The following RIT2 variants were observed in gnomAD, a reference collection of about 807,000 sequenced individuals.
RIT2 encodes the protein Ras like without CAAX 2, also known as GTP-binding protein Rit2.
A neutral mutation model predicts 23.7 loss-of-function variants in RIT2; 24 were observed. The observed-to-expected ratio is 1.01, with a 90% CI of 0.73 to 1.43. The LOEUF (loss-of-function observed/expected upper bound fraction) is 1.43. RIT2 is among the 40% of genes most tolerant of loss of function. RIT2 has a pLI of 0.00. For synonymous variants in RIT2, 107 were observed against 91.1 expected (o/e 1.17, Z -0.99); for missense variants, 236 against 266.9 (o/e 0.88, Z 0.81).
At chr18:43,000,942 C>T (rs1404277576) in intron 2 of RIT2, among the ~76,000 whole-genome samples, 3 of 152,054 alleles carry the variant, frequency 2.0e-5, no homozygotes, top group Non-Finnish European at 2.9e-5. Flanking sequence ...CAGCCAAACT[C>T]TCTTGGGCTG....
intron 4 of RIT2, among the ~76,000 whole-genome samples, chr18:42,845,448 AG>A (rs1273406240): frequency 6.6e-6 from 1 of 150,414 alleles, no homozygotes; most frequent in African/African-American, 2.4e-5. Context: ...TATTTTTTTA[AG>A]GGAAAAATAT....
At chr18:42,821,663 A>G (rs1906153366) in intron 4 of RIT2, among the ~76,000 whole-genome samples, 1 of 152,136 alleles carries the variant, frequency 6.6e-6, no homozygotes, top group East Asian at 1.9e-4. Flanking sequence ...TAAAATGTCA[A>G]TTGTTTAGTT....
intron 1 of RIT2, among the ~76,000 whole-genome samples, chr18:43,103,199 C>G (rs1461071404): frequency 6.6e-6 from 1 of 152,118 alleles, no homozygotes; most frequent in Non-Finnish European, 1.5e-5. Flanking sequence ...CTCTATTATT[C>G]ATGGCTCTAT....
chr18:43,115,565 T>C lies in RIT2; in HGVS notation c.-46A>G. ...AAAAAAAGAAGGAGAAAGTCACCCG[T>C]GTCAGGTGCTTGCTCGAATATTAAG... On this transcript the variant is annotated 5_prime_UTR_variant, in exon 1 of 5. Transcript: ENST00000326695. 6.3e-7 allele frequency: 1 copy of C among 1,593,036 alleles called. No individual in the cohort carries two copies. The highest frequency in any genetic ancestry group is 2.2e-5 in the East Asian group (1 of 44,566).
chr18:42,920,062 A>C (rs1909015385), intron 4 of RIT2, among the ~76,000 whole-genome samples: 2 of 152,092 alleles, frequency 1.3e-5, no homozygotes, highest in Admixed American at 1.3e-4. Flanking sequence ...TCCTCCCACC[A>C]AAAGGGTAAG....
chr18:43,096,307 T>C (rs887228807), intron 1 of RIT2, among the ~76,000 whole-genome samples: 2 of 152,004 alleles, frequency 1.3e-5, no homozygotes, highest in South Asian at 2.1e-4. Context: ...TAGTAATTCA[T>C]AGAATGTAGC....
At chr18:42,956,760 A>G (rs1909979643) in intron 3 of RIT2, among the ~76,000 whole-genome samples, 1 of 152,132 alleles carries the variant, frequency 6.6e-6, no homozygotes, top group Non-Finnish European at 1.5e-5. Flanking sequence ...AAAAACTCAG[A>G]TGTACTCAAT....
intron 4 of RIT2, among the ~76,000 whole-genome samples, chr18:42,892,771 T>C (rs778405352): frequency 2.2e-4 from 33 of 152,182 alleles, no homozygotes; most frequent in Non-Finnish European, 1.5e-5. Context: ...CCTGGTGTCT[T>C]ATAGAAAGAT....
At chr18:43,081,555 T>G (rs1057051599) in intron 1 of RIT2, among the ~76,000 whole-genome samples, 1 of 152,104 alleles carries the variant, frequency 6.6e-6, no homozygotes, top group Non-Finnish European at 1.5e-5. Context: ...CATCAGGAGT[T>G]CTCCACCTTG....
At chr18:42,796,247 C>G (rs1416507582) in intron 4 of RIT2, among the ~76,000 whole-genome samples, 2 of 152,138 alleles carry the variant, frequency 1.3e-5, no homozygotes, top group African/African-American at 2.4e-5. Context: ...ACCAACAACT[C>G]CAGACGCGCT....
intron 4 of RIT2, among the ~76,000 whole-genome samples, chr18:42,920,133 A>G (rs1409937487): frequency 6.6e-6 from 1 of 152,150 alleles, no homozygotes; most frequent in Non-Finnish European, 1.5e-5. Context: ...CTCCAAACCC[A>G]AAGAATTATT....
intron 2 of RIT2, among the ~76,000 whole-genome samples, chr18:43,013,681 T>TTGGCACTATCAGAGTAACTATC (rs1911404503): frequency 6.6e-6 from 1 of 151,826 alleles, no homozygotes; most frequent in Admixed American, 6.6e-5. Flanking sequence ...AACATTGTTT[T>TTGGCACTATCAGAGTAACTATC]TGGCACTATC....
At chr18:43,104,761 A>G (rs1913768848) in intron 1 of RIT2, among the ~76,000 whole-genome samples, 1 of 152,160 alleles carries the variant, frequency 6.6e-6, no homozygotes. Context: ...AGTTTTTACA[A>G]TTTCAAATAA....
intron 4 of RIT2, among the ~76,000 whole-genome samples, chr18:42,747,288 G>A (rs1912940444): frequency 6.6e-6 from 1 of 151,704 alleles, no homozygotes. Flanking sequence ...AAGATAACCT[G>A]TTTTACAATA....
intron 2 of RIT2, among the ~76,000 whole-genome samples, chr18:43,004,266 C>T (rs1172073876): frequency 6.6e-6 from 1 of 151,818 alleles, no homozygotes; most frequent in Non-Finnish European, 1.5e-5. Context: ...CTGTTCCCTA[C>T]ACCTGGATCA....
At chr18:42,911,478 T>C (rs1378669737) in intron 4 of RIT2, among the ~76,000 whole-genome samples, 3 of 151,970 alleles carry the variant, frequency 2.0e-5, no homozygotes, top group Non-Finnish European at 4.4e-5. Flanking sequence ...AGAAATGCAA[T>C]AGAAGACATC....
chr18:43,104,781 C>T (rs1336492629), intron 1 of RIT2, among the ~76,000 whole-genome samples: 2 of 151,994 alleles, frequency 1.3e-5, no homozygotes, highest in East Asian at 1.9e-4. Context: ...AAAGATGTGC[C>T]CTTTTGCTAC....
chr18:42,833,831 AAAAATAAAAT>A lies in RIT2; in HGVS notation c.426+89731_426+89740del, dbSNP rs144356017. Among the ~76,000 whole-genome samples, 7 of 151,668 alleles carry A rather than the reference AAAAATAAAAT, an allele frequency of 4.6e-5. No individual in the cohort carries two copies. In the South Asian group the frequency reaches 1.0e-3, roughly 23 times the overall value. On this transcript the variant is annotated intron_variant, in intron 4 of 4. Transcript: ENST00000326695. ...TGTATGGATAGGAAGAAAAACAAAGAAAAATAAAATAAAATAAAATAAAATAAAAACACAG... is the reference window on the plus strand; with the variant it reads ...TGTATGGATAGGAAGAAAAACAAAGAAAAATAAAATAAAATAAAAACACAG...
At chr18:42,790,219 C>T (rs919097232) in intron 4 of RIT2, among the ~76,000 whole-genome samples, 3 of 152,058 alleles carry the variant, frequency 2.0e-5, no homozygotes, top group African/African-American at 4.8e-5. Flanking sequence ...TTATAATTTC[C>T]CTGCAATTTG....
Sources: allele counts gnomAD v4.1 joint callset (sites outside exome capture counted in the v4.1 genomes callset), GRCh38; gene constraint gnomAD v4.1.1; transcripts MANE v1.5; gene names NCBI Gene and HGNC (gene_info 2026-07-23, HGNC 2026-07-21).